Variants in NSMCE2 observed in about 807,000 individuals in gnomAD.
NSMCE2 encodes E3 SUMO-protein ligase NSE2.
In NSMCE2, 24 loss-of-function variants were observed where a neutral mutation model predicts 23.8. That is an observed-to-expected ratio of 1.01 (90% confidence interval 0.73 to 1.42). NSMCE2 has a LOEUF of 1.42. Ranked by LOEUF, NSMCE2 falls within the 40% of genes most tolerant of loss-of-function variation. The pLI, the probability that NSMCE2 is intolerant of heterozygous loss-of-function variation, is 0.00. For missense variants in NSMCE2, 284 were observed against 296.5 expected, an observed-to-expected ratio of 0.96 and a Z score of 0.31; for synonymous variants, 92 against 94.1, an observed-to-expected ratio of 0.98 and a Z score of 0.13.
At chr8:125,334,309 A>T (rs528889472) in intron 5 of NSMCE2, among the ~76,000 whole-genome samples, 1 of 152,306 alleles carries the variant, frequency 6.6e-6, no homozygotes, top group South Asian at 2.1e-4. Flanking sequence ...TCTGTAGCAC[A>T]GCGCTCCAGG....
chr8:125,362,421 C>G (rs2129652706), intron 7 of NSMCE2, among the ~76,000 whole-genome samples: 1 of 152,306 alleles, frequency 6.6e-6, no homozygotes, highest in Non-Finnish European at 1.5e-5. Context: ...TCGTTAGCAC[C>G]CCATGTCATG....
In NSMCE2 at chr8:125,351,633, C is replaced by T. The variant is rs140505048; in HGVS notation, c.419-5586C>T. On this transcript the variant is annotated intron_variant, in intron 5 of 7. Coordinates refer to ENST00000287437, the MANE Select transcript of NSMCE2 (RefSeq NM_173685.4). Reference sequence around the variant, plus strand: ...TATAGTTAGGAAAATTTTGTAACCTCTTTACTAAAGATTAAACTGATTTAA... The same window carrying T: ...TATAGTTAGGAAAATTTTGTAACCTTTTTACTAAAGATTAAACTGATTTAA... 1.8e-3 allele frequency among the ~76,000 whole-genome samples: 267 copies of T among 152,268 alleles called. 1 individual carries two copies. The highest frequency in any genetic ancestry group is 5.8e-3 in the African/African-American group (242 of 41,542).
At chr8:125,187,290 A>G (rs577306307) in intron 5 of NSMCE2, among the ~76,000 whole-genome samples, 1 of 152,348 alleles carries the variant, frequency 6.6e-6, no homozygotes, top group Admixed American at 6.5e-5. Context: ...GATGACTAGG[A>G]TAGTGATGGT....
intron 5 of NSMCE2, among the ~76,000 whole-genome samples, chr8:125,275,047 A>C (rs1039592774): frequency 1.3e-5 from 2 of 150,120 alleles, no homozygotes; most frequent in Non-Finnish European, 3.0e-5. Context: ...ATAGAATAAT[A>C]TCCTAGGTGG....
intron 5 of NSMCE2, among the ~76,000 whole-genome samples, chr8:125,297,738 G>A (rs113343081): frequency 0.025 from 3,779 of 152,152 alleles, 160 homozygotes; most frequent in African/African-American, 0.086. Context: ...GGGAGGCTGA[G>A]GTAGAAGGAT....
rs551838306 is a variant in NSMCE2, at chr8:125,103,536, T to A, written c.157+1049T>A. Among the ~76,000 whole-genome samples, 9 of 152,206 alleles carry A rather than the reference T, an allele frequency of 5.9e-5. No individual in the cohort carries two copies. The East Asian group carries it at 1.7e-3, about 29-fold the overall frequency. On this transcript the variant is annotated intron_variant, in intron 3 of 7. Transcript: ENST00000287437. ...GTTTTTTGAATCAAATTTGGAAAAATTTCTGCTACTATTTCTTCAAATATA... is the reference window on the plus strand; with the variant it reads ...GTTTTTTGAATCAAATTTGGAAAAAATTCTGCTACTATTTCTTCAAATATA...
intron 5 of NSMCE2, among the ~76,000 whole-genome samples, chr8:125,319,445 A>C (rs1829336692): frequency 6.6e-6 from 1 of 152,218 alleles, no homozygotes; most frequent in South Asian, 2.1e-4. Flanking sequence ...GCATTAAAAC[A>C]ATTATTGTGA....
chr8:125,181,482 T>C (rs948073606), intron 4 of NSMCE2, among the ~76,000 whole-genome samples: 1 of 152,202 alleles, frequency 6.6e-6, no homozygotes, highest in Non-Finnish European at 1.5e-5. Flanking sequence ...GTTCATAATA[T>C]ACTTCCTTCA....
chr8:125,298,687 G>GTTTTTTGT (rs1828425895), intron 5 of NSMCE2, among the ~76,000 whole-genome samples: 1 of 85,954 alleles, frequency 1.2e-5, no homozygotes. Context: ...TCATCTGTGG[G>GTTTTTTGT]TTTTTTTTTG....
At chr8:125,127,317 A>AG (rs1237806663) in intron 3 of NSMCE2, among the ~76,000 whole-genome samples, 2 of 152,052 alleles carry the variant, frequency 1.3e-5, no homozygotes, top group African/African-American at 4.8e-5. Context: ...ATGTGTGCTG[A>AG]GGTTGGGGGA....
rs1052623331 is a variant in NSMCE2, at chr8:125,267,457, A to G, written c.418+85201A>G. 2.0e-5 allele frequency among the ~76,000 whole-genome samples: 3 copies of G among 152,210 alleles called. No individual in the cohort carries two copies. In the East Asian group the frequency reaches 5.8e-4, roughly 29 times the overall value. ...TGAGAAGTAAGGCTAGACAGTCAGGACCAAACTGCTAAAGGAGTTGAATGC... is the reference window on the plus strand; with the variant it reads ...TGAGAAGTAAGGCTAGACAGTCAGGGCCAAACTGCTAAAGGAGTTGAATGC... On this transcript the variant is annotated intron_variant, in intron 5 of 7. Transcript: ENST00000287437.
intron 3 of NSMCE2, among the ~76,000 whole-genome samples, chr8:125,148,934 C>G (rs1488018409): frequency 6.6e-6 from 1 of 152,092 alleles, no homozygotes; most frequent in Non-Finnish European, 1.5e-5. Flanking sequence ...AAATTCACTT[C>G]TTTATCATGA....
intron 5 of NSMCE2, among the ~76,000 whole-genome samples, chr8:125,298,613 TA>T (rs1419931018): frequency 4.6e-5 from 7 of 152,066 alleles, no homozygotes; most frequent in African/African-American, 1.7e-4. Context: ...AGAGTTGTTA[TA>T]GTAATTAAAT....
At chr8:125,348,971 TG>T (rs1812907315) in intron 5 of NSMCE2, 1 of 149,060 alleles carries the variant, frequency 6.7e-6, no homozygotes, top group African/African-American at 2.5e-5. Context: ...GGTACAAAGC[TG>T]GACACCCAAG....
chr8:125,293,311 G>C (rs1242675168), intron 5 of NSMCE2, among the ~76,000 whole-genome samples: 1 of 152,180 alleles, frequency 6.6e-6, no homozygotes, highest in Non-Finnish European at 1.5e-5. Context: ...GGCAGTTTAA[G>C]AGGGTGGTTC....
intron 4 of NSMCE2, among the ~76,000 whole-genome samples, chr8:125,160,561 A>G (rs1299693496): frequency 6.6e-6 from 1 of 152,200 alleles, no homozygotes; most frequent in African/African-American, 2.4e-5. Context: ...AGGCCAGTGA[A>G]CAATGTGACA....
intron 5 of NSMCE2, among the ~76,000 whole-genome samples, chr8:125,325,134 A>C (rs1352580966): frequency 6.6e-6 from 1 of 152,098 alleles, no homozygotes; most frequent in Non-Finnish European, 1.5e-5. Flanking sequence ...TGGGGACAGG[A>C]AGCTACTTAC....
intron 5 of NSMCE2, among the ~76,000 whole-genome samples, chr8:125,229,485 G>T (rs1825233181): frequency 6.6e-6 from 1 of 152,204 alleles, no homozygotes; most frequent in African/African-American, 2.4e-5. Context: ...GGAAGGGATT[G>T]CCAGGAAGAA....
chr8:125,163,827 C>T (rs1200727875), intron 4 of NSMCE2, among the ~76,000 whole-genome samples: 1 of 152,090 alleles, frequency 6.6e-6, no homozygotes, highest in Non-Finnish European at 1.5e-5. Flanking sequence ...CACAGTTTCC[C>T]ACAGAAATGA....
Sources: gnomAD v4.1 joint callset for allele counts (sites outside exome capture counted in the v4.1 genomes callset) on GRCh38, gnomAD v4.1.1 for gene constraint, MANE v1.5 for transcripts, NCBI Gene and HGNC (gene_info 2026-07-23, HGNC 2026-07-21) for gene names.